The following TAB2 variants were observed in gnomAD, a reference collection of about 807,000 sequenced individuals.
The protein encoded by TAB2 is TGF-beta-activated kinase 1 and MAP3K7-binding protein 2.
A neutral mutation model predicts 65.0 loss-of-function variants in TAB2; 3 were observed. The ratio of observed to expected loss-of-function variants is 0.05; its 90% CI spans 0.02 to 0.12. The LOEUF is 0.12. Ranked by LOEUF, TAB2 falls within the 10% of genes least tolerant of loss-of-function variation. The pLI is 1.00. For synonymous variants in TAB2, 298 were observed against 285.1 expected, an observed-to-expected ratio of 1.05 and a Z score of -0.46; for missense variants, 623 against 840.3, an observed-to-expected ratio of 0.74 and a Z score of 3.20.
intron 1 of TAB2, among the ~76,000 whole-genome samples, chr6:149,219,218 A>G (rs890391153): frequency 4.6e-5 from 7 of 152,052 alleles, no homozygotes; most frequent in Non-Finnish European, 1.0e-4. Context: ...CTCTGTTCTC[A>G]ATGAGGCAAG....
upstream of TAB2, among the ~76,000 whole-genome samples, chr6:149,316,103 G>C (rs1779245092): frequency 6.6e-6 from 1 of 152,074 alleles, no homozygotes; most frequent in Non-Finnish European, 1.5e-5. Flanking sequence ...TAATTCCTCA[G>C]AGAACTGCTG....
intron 1 of TAB2, among the ~76,000 whole-genome samples, chr6:149,346,252 ACGCCCACG>A (rs1482264107): frequency 6.6e-6 from 1 of 152,070 alleles, no homozygotes; most frequent in Non-Finnish European, 1.5e-5. Context: ...TATTGTGCAC[ACGCCCACG>A]CATGCACGCA....
intron 1 of TAB2, among the ~76,000 whole-genome samples, chr6:149,223,941 C>T (rs1288296043): frequency 6.6e-6 from 1 of 152,044 alleles, no homozygotes; most frequent in Non-Finnish European, 1.5e-5. Flanking sequence ...AATAACTTTA[C>T]TTAAGTGAAT....
At chr6:149,400,625 GGAA>G in intron 6 of TAB2, 3 of 1,614,210 alleles carry the variant, frequency 1.9e-6, no homozygotes, top group Non-Finnish European at 2.5e-6. Context: ...AGTTGGAAAT[GGAA>G]GATGAAGATA....
In TAB2 at chr6:149,275,566, G is replaced by T. The variant is rs1397770369; in HGVS notation, c.-121+56790G>T. Among the ~76,000 whole-genome samples, 7 of 152,196 alleles carry T rather than the reference G, an allele frequency of 4.6e-5. 1 individual carries two copies. Among genetic ancestry groups the T allele is most frequent in the African/African-American group, 1.7e-4 (7 of 41,440 alleles). ...GTAGATTCTTCCCCAAGAAGGTAGAGCATAACTTCTCACTCACTAACTGTG... is the reference window on the plus strand; with the variant it reads ...GTAGATTCTTCCCCAAGAAGGTAGATCATAACTTCTCACTCACTAACTGTG... On this transcript the variant is annotated intron_variant, in intron 1 of 1. Transcript: ENST00000606202.
chr6:149,397,709 A>G lies in TAB2; in HGVS notation c.1709A>G (p.Asn570Ser). The change falls in exon 4 of 7, where the codon AAT becomes AGT. Residue 570 changes from asparagine (N) to serine (S), a missense_variant. This residue lies in a region of TAB2 where 550 missense variants were observed against 665.7 expected (regional missense o/e 0.83). Transcript: ENST00000637181. ...KLKSEVNEMENNLTRRRLKRS... is the reference protein window; with the variant it reads ...KLKSEVNEMESNLTRRRLKRS... ...AAATCTGAGGTTAATGAAATGGAAA[A>G]TAATCTAACTCGAAGGCGCCTGAAA... 6.2e-7 allele frequency: 1 copy of G among 1,614,104 alleles called. No individual in the cohort carries two copies. The highest frequency in any genetic ancestry group is 8.5e-7 in the Non-Finnish European group (1 of 1,180,014).
Position 149,392,290 on chromosome 6 carries a change from G to A in TAB2, c.1604-5314G>A, listed in dbSNP as rs182708161. 3.9e-5 allele frequency among the ~76,000 whole-genome samples: 6 copies of A among 152,046 alleles called. No homozygotes were observed. The East Asian group carries it at 9.7e-4, about 25-fold the overall frequency. ...TGAGTAGCTGAGATTACAGGCACGC[G>A]CCACTACCACCTGGCTGATTTTTGT... is the stretch of plus-strand genomic sequence containing the variant. On this transcript the variant is annotated intron_variant, in intron 3 of 6. Transcript: ENST00000637181.
At chr6:149,366,091 G>T (rs1781031471) in intron 1 of TAB2, among the ~76,000 whole-genome samples, 1 of 152,052 alleles carries the variant, frequency 6.6e-6, no homozygotes, top group South Asian at 2.1e-4. Flanking sequence ...TGGGCTTTGT[G>T]TCCATTGGTT....
chr6:149,358,463 C>G (rs1372361219), intron 1 of TAB2, among the ~76,000 whole-genome samples: 1 of 152,098 alleles, frequency 6.6e-6, no homozygotes, highest in Non-Finnish European at 1.5e-5. Context: ...TTGTATTATT[C>G]TGTCTTCCGG....
chr6:149,294,942 T>A (rs146919416), intron 1 of TAB2, among the ~76,000 whole-genome samples: 122 of 152,334 alleles, frequency 8.0e-4, no homozygotes, highest in African/African-American at 2.8e-3. Flanking sequence ...TTAAAACACT[T>A]TTAGTGTGAA....
At chr6:149,222,619 A>G (rs1217083169) in intron 1 of TAB2, among the ~76,000 whole-genome samples, 1 of 23,842 alleles carries the variant, frequency 4.2e-5, no homozygotes, top group Non-Finnish European at 7.8e-5. Flanking sequence ...CTCTGTCTCA[A>G]AAAAAAAAAA....
chr6:149,264,120 A>G (rs1447506410), intron 1 of TAB2, among the ~76,000 whole-genome samples: 1 of 152,246 alleles, frequency 6.6e-6, no homozygotes, highest in Non-Finnish European at 1.5e-5. Context: ...ATGGGCAGGT[A>G]GCGCTGGTCT....
At chr6:149,307,166 C>G (rs767834778) in intron 1 of TAB2, among the ~76,000 whole-genome samples, 11 of 151,824 alleles carry the variant, frequency 7.2e-5, no homozygotes, top group Non-Finnish European at 1.0e-4. Flanking sequence ...ATATGGTCAG[C>G]ATTAGGCCCC....
intron 1 of TAB2, among the ~76,000 whole-genome samples, chr6:149,254,063 A>AAGGAAGGG (rs1777942900): frequency 1.2e-4 from 3 of 24,840 alleles, no homozygotes; most frequent in African/African-American, 2.4e-4. Flanking sequence ...GAGAGGGAGG[A>AAGGAAGGG]AGGAAGGAAG....
At chr6:149,368,643 A>ATT (rs1448050667) in intron 1 of TAB2, among the ~76,000 whole-genome samples, 1 of 109,124 alleles carries the variant, frequency 9.2e-6, no homozygotes, top group South Asian at 2.9e-4. Flanking sequence ...GAATGCGAAA[A>ATT]TTTGTGTGTG....
At chr6:149,271,304 G>T (rs895134660) in intron 1 of TAB2, among the ~76,000 whole-genome samples, 3 of 152,078 alleles carry the variant, frequency 2.0e-5, no homozygotes, top group Non-Finnish European at 4.4e-5. Flanking sequence ...AATGGACAGG[G>T]TTCCTGTTCT....
intron 1 of TAB2, among the ~76,000 whole-genome samples, chr6:149,282,675 G>C (rs1299817202): frequency 6.6e-6 from 1 of 152,198 alleles, no homozygotes; most frequent in Admixed American, 6.5e-5. Context: ...GTGTGATTAA[G>C]AGCATTATTC....
intron 1 of TAB2, among the ~76,000 whole-genome samples, chr6:149,235,458 A>G (rs1273902449): frequency 6.6e-6 from 1 of 152,254 alleles, no homozygotes; most frequent in Non-Finnish European, 1.5e-5. Context: ...GTGTAACAGC[A>G]GAAAGAGGAA....
chr6:149,280,114 G>T (rs1778545933), intron 1 of TAB2, among the ~76,000 whole-genome samples: 1 of 152,156 alleles, frequency 6.6e-6, no homozygotes, highest in South Asian at 2.1e-4. Flanking sequence ...TAATCAGAGT[G>T]CAGGCTCTGG....
Sources: allele counts gnomAD v4.1 joint callset (sites outside exome capture counted in the v4.1 genomes callset), GRCh38; gene constraint gnomAD v4.1.1; regional missense constraint gnomAD v4.1.1; transcripts MANE v1.5; gene names NCBI Gene and HGNC (gene_info 2026-07-23, HGNC 2026-07-21).